Variants in DNALI1 observed in about 807,000 individuals in gnomAD.
DNALI1 encodes the protein dynein axonemal light intermediate chain 1, also known as axonemal dynein light intermediate polypeptide 1.
A neutral mutation model predicts 33.9 loss-of-function variants in DNALI1; 31 were observed. The ratio of observed to expected loss-of-function variants is 0.91; its 90% confidence interval spans 0.69 to 1.23. The LOEUF (loss-of-function observed/expected upper bound fraction) is 1.23, where lower values mean the gene tolerates loss of function less well. Ranked by LOEUF, DNALI1 falls within the 50% of genes most tolerant of loss-of-function variation. The pLI is 0.00. For synonymous variants in DNALI1, 117 were observed against 129.2 expected (o/e 0.91, Z 0.64); for missense variants, 305 against 323.8 (o/e 0.94, Z 0.44).
chr1:37,562,268 T>TGGA lies in DNALI1; in HGVS notation c.741+26_741+28dup, dbSNP rs142372828. The TGGA allele has an allele frequency of 7.2e-4, 1,156 of 1,603,658 alleles. 5 individuals are homozygous for TGGA. The African/African-American group carries it at 0.014, about 19-fold the overall frequency. On this transcript the variant is annotated intron_variant, in intron 5 of 5. Coordinates refer to ENST00000652629, the MANE Select transcript of DNALI1 (RefSeq NM_003462.5). This position sits in a 1 kb window ranked among gnomAD's most constrained non-coding sequence, Gnocchi z 5.8. ...AAGGTAATCAACGCGCAGGGTGGGG[T>TGGA]GGAGGTGCCCCCTGCCCTGCGACCC...
chr1:37,565,407 T>C lies in DNALI1; in HGVS notation c.*346T>C, dbSNP rs2148124544. ...CATCATCACTCTATACCAATACTTA[T>C]TTCTGGCCAAATGAATCTGCTTCTC... On this transcript the variant is annotated 3_prime_UTR_variant, in exon 6 of 6. Transcript: ENST00000652629. The C allele has an allele frequency of 4.5e-6, 1 of 222,464 alleles. No homozygotes were observed. The highest frequency in any genetic ancestry group is 8.8e-6 in the Non-Finnish European group (1 of 114,102). The allele number at this position is 222,464 out of a possible 1,614,324, so 13.8% of individuals were successfully genotyped here.
Position 37,559,252 on chromosome 1 carries a change from C to CA in DNALI1, c.228-72dup. 6.9e-7 allele frequency: 1 copy of CA among 1,452,230 alleles called. No homozygotes were observed. Among genetic ancestry groups the CA allele is most frequent in the East Asian group, 2.5e-5 (1 of 39,590 alleles). The allele number at this position is 1,452,230 out of a possible 1,614,324, so 90.0% of individuals were successfully genotyped here. A position where few individuals can be genotyped will look rare whatever the true frequency, so the allele number is the denominator to read the frequency against. ...CTCACCACTACTCAGGCAGAGGGCT[C>CA]AAAGGGCCCTCTGCTCATGTGCTAG... On this transcript the variant is annotated intron_variant, in intron 2 of 5. Coordinates refer to ENST00000652629, the MANE Select transcript of DNALI1 (RefSeq NM_003462.5). This position sits in a 1 kb window ranked among gnomAD's most constrained non-coding sequence, Gnocchi z 5.3.
chr1:37,562,229 CA>C lies in DNALI1; in HGVS notation c.728del (p.Asn243IlefsTer4). 1.2e-6 allele frequency: 2 copies of C among 1,613,146 alleles called. No homozygotes were observed. Among genetic ancestry groups the C allele is most frequent in the Non-Finnish European group, 1.7e-6 (2 of 1,179,610 alleles). On this transcript the variant is annotated frameshift_variant, in exon 5 of 6. Coordinates refer to ENST00000652629, the MANE Select transcript of DNALI1 (RefSeq NM_003462.5). LOFTEE classifies it high-confidence loss of function. The surrounding 1 kb of genome is among the most constrained non-coding windows in gnomAD (Gnocchi z 5.8). Reference sequence around the variant, plus strand: ...GAGGAGATTCAGTTCCTGAAGCGAACAAATCAGCAGCTGAAGGTAATCAACG... The same window carrying C: ...GAGGAGATTCAGTTCCTGAAGCGAACAATCAGCAGCTGAAGGTAATCAACG... Reference protein sequence around the residue: ...HNEEIQFLKRTNQQLKAQLEG... With the variant: ...HNEEIQFLKRXNQQLKAQLEG...
At position 37,557,695 on chromosome 1, in the gene DNALI1, C is replaced by T; in HGVS notation, c.174C>T (p.Val58=). Residue 58 remains valine (V), a synonymous_variant, in exon 2 of 6, where the codon GTC becomes GTT. Transcript: ENST00000652629. Reference sequence around the variant, plus strand: ...CCAAGCTCCCCTCAACTCCCTGTGTCCCAGATCCTACAAAGCAGGCAGAAG... The same window carrying T: ...CCAAGCTCCCCTCAACTCCCTGTGTTCCAGATCCTACAAAGCAGGCAGAAG... ...PKTKLPSTPC[V]PDPTKQAEEI... is the part of the protein sequence containing the mutation. The T allele has an allele frequency of 6.2e-7, 1 of 1,614,066 alleles. No individual in the cohort carries two copies. Among genetic ancestry groups the T allele is most frequent in the East Asian group, 2.2e-5 (1 of 44,876 alleles).
chr1:37,564,924 G>A lies in DNALI1; in HGVS notation c.742-102G>A, dbSNP rs1643482151. On this transcript the variant is annotated intron_variant, in intron 5 of 5. Transcript: ENST00000652629. ...CAAGGGGAAAAAGAACCCTTGGAGT[G>A]ACAGCATGTGGATTCTTCTTCCCAG... 8.1e-6 allele frequency: 10 copies of A among 1,227,216 alleles called. 1 individual carries two copies. The highest frequency in any genetic ancestry group is 1.1e-5 in the Non-Finnish European group (9 of 829,712). The allele number at this position is 1,227,216 out of a possible 1,614,324, so 76.0% of individuals were successfully genotyped here. A position where few individuals can be genotyped will look rare whatever the true frequency, so the allele number is the denominator to read the frequency against.
At chr1:37,564,041 C>T (rs1380329294) in intron 5 of DNALI1, among the ~76,000 whole-genome samples, 1 of 151,764 alleles carries the variant, frequency 6.6e-6, no homozygotes, top group African/African-American at 2.4e-5. Context: ...TGAGACCAGC[C>T]TGGCCAACGT....
rs1412775720 is a variant in DNALI1 at position 37,565,996 on chromosome 1, T to A, written c.*935T>A. 6.6e-6 allele frequency: 1 copy of A among 152,164 alleles called. No individual in the cohort carries two copies. The highest frequency in any genetic ancestry group is 2.4e-5 in the African/African-American group (1 of 41,438). 9.4% of individuals were successfully genotyped at this position (152,164 alleles called of 1,614,324 possible). On this transcript the variant is annotated 3_prime_UTR_variant, in exon 6 of 6. Transcript: ENST00000652629. Reference sequence around the variant, plus strand: ...GGCAAGCCAGGGTGGGCTAGGGTGGTAAGCTGGAGGACTTCATCCTTCAGT... The same window carrying A: ...GGCAAGCCAGGGTGGGCTAGGGTGGAAAGCTGGAGGACTTCATCCTTCAGT...
At chr1:37,558,176 G>T (rs908308794) in intron 2 of DNALI1, 2 of 161,096 alleles carry the variant, frequency 1.2e-5, no homozygotes, top group Non-Finnish European at 2.7e-5. Flanking sequence ...TTTTACTAGG[G>T]ACTCAAACCA....
chr1:37,561,585 C>T lies in DNALI1; in HGVS notation c.426C>T (p.Asn142=). The T allele has an allele frequency of 6.2e-7, 1 of 1,613,960 alleles. No individual in the cohort carries two copies. The highest frequency in any genetic ancestry group is 2.2e-5 in the East Asian group (1 of 44,882). ...AGTTGATCCGGGAGGTCACCATCAA[C>T]TGTGCGGAGAGGGGGCTGCTGCTGC... is the stretch of plus-strand genomic sequence containing the variant. ...FDELIREVTI[N]CAERGLLLLR... The change falls in exon 4 of 6, where the codon AAC becomes AAT. Residue 142 remains asparagine, a synonymous_variant. Coordinates refer to ENST00000652629, the MANE Select transcript of DNALI1 (RefSeq NM_003462.5). The surrounding 1 kb of genome is among the most constrained non-coding windows in gnomAD (Gnocchi z 4.6).
intron 3 of DNALI1, chr1:37,560,475 C>T (rs1397231263): frequency 6.6e-6 from 1 of 152,216 alleles, no homozygotes; most frequent in Non-Finnish European, 1.5e-5. Context: ...TCCTGCACAG[C>T]CGTAGATCCC....
chr1:37,558,462 C>A (rs557352464), intron 2 of DNALI1, among the ~76,000 whole-genome samples: 40 of 152,310 alleles, frequency 2.6e-4, no homozygotes, highest in African/African-American at 9.1e-4. Flanking sequence ...TTGTGGCTTC[C>A]CATCTCAGAC....
intron 5 of DNALI1, among the ~76,000 whole-genome samples, chr1:37,564,555 G>T (rs1240132526): frequency 6.6e-6 from 1 of 151,994 alleles, no homozygotes; most frequent in Non-Finnish European, 1.5e-5. Flanking sequence ...ACTAATTTTT[G>T]TATTTTTAGT....
At chr1:37,557,127 A>AG (rs1471065472) in intron 1 of DNALI1, 52 bp downstream of exon 1, 10 of 1,612,268 alleles carry the variant, frequency 6.2e-6, no homozygotes, top group Non-Finnish European at 7.6e-6. Flanking sequence ...CGATAGGGAA[A>AG]GACACATTCC....
In DNALI1 at chr1:37,559,706, T is replaced by C. The variant is rs1034236574; in HGVS notation, c.397+210T>C. 6.6e-6 allele frequency among the ~76,000 whole-genome samples: 1 copy of C among 152,086 alleles called. No homozygotes were observed. The highest frequency in any genetic ancestry group is 1.5e-5 in the Non-Finnish European group (1 of 68,006). On this transcript the variant is annotated intron_variant, in intron 3 of 5. Coordinates refer to ENST00000652629, the MANE Select transcript of DNALI1 (RefSeq NM_003462.5). This position sits in a 1 kb window ranked among gnomAD's most constrained non-coding sequence, Gnocchi z 5.3. The stretch of plus-strand genomic sequence containing the variant: ...GGGCCAGCCCCTCCACACCTGTGGG[T>C]ATTTCTCCTCAGGCAGGAGGAGAGA...
chr1:37,557,552 G>A, intron 1 of DNALI1, 51 bp from the exon 2 acceptor site: 1 of 1,580,684 alleles, frequency 6.3e-7, no homozygotes. Context: ...GGGGATGTGT[G>A]GAGCTGAGCT....
chr1:37,559,638 C>T lies in DNALI1; in HGVS notation c.397+142C>T. On this transcript the variant is annotated intron_variant, in intron 3 of 5. Coordinates refer to ENST00000652629, the MANE Select transcript of DNALI1 (RefSeq NM_003462.5). The surrounding 1 kb of genome is among the most constrained non-coding windows in gnomAD (Gnocchi z 5.3). ...CCCTCTTCTCCCCCTGCCTGACCCA[C>T]CCAGCAACAGCTAACTGCCCCCTTC... 4.0e-6 allele frequency: 4 copies of T among 996,658 alleles called. No individual in the cohort carries two copies. The highest frequency in any genetic ancestry group is 1.7e-5 in the African/African-American group (1 of 59,640). The allele number at this position is 996,658 out of a possible 1,614,324, so 61.7% of individuals were successfully genotyped here.
In DNALI1 at chr1:37,557,079, A is replaced by G. The variant is rs1643379968; in HGVS notation, c.81+4A>G. 2.5e-6 allele frequency: 4 copies of G among 1,614,098 alleles called. No homozygotes were observed. The highest frequency in any genetic ancestry group is 1.3e-5 in the African/African-American group (1 of 74,938). ...CACGGAGAAACGGAGCCCCAAGGTA[A>G]AGACGGGGGCTCGGGAGACAAAGGA... On this transcript the variant is annotated splice_donor_region_variant and intron_variant, in intron 1 of 5. Coordinates refer to ENST00000652629, the MANE Select transcript of DNALI1 (RefSeq NM_003462.5).
rs369164958 is a variant in DNALI1 at position 37,562,179 on chromosome 1, G to A, written c.675G>A (p.Arg225=). 1.1e-5 allele frequency: 17 copies of A among 1,613,928 alleles called. No individual in the cohort carries two copies. The highest frequency in any genetic ancestry group is 1.7e-5 in the Admixed American group (1 of 59,992). The change falls in exon 5 of 6, where the codon CGG becomes CGA. Residue 225 remains arginine, a synonymous_variant. Coordinates refer to ENST00000652629, the MANE Select transcript of DNALI1 (RefSeq NM_003462.5). The surrounding 1 kb of genome is among the most constrained non-coding windows in gnomAD (Gnocchi z 5.8). ...EATEKRESER[R]QVEEKKHNEE... ...CTGAGAAGCGGGAGAGCGAGAGGCG[G>A]CAGGTGGAGGAGAAGAAGCACAATG... is the stretch of plus-strand genomic sequence containing the variant.
chr1:37,566,524 T>C lies in DNALI1; in HGVS notation c.*1463T>C. The C allele has an allele frequency of 4.2e-6, 1 of 240,384 alleles. No homozygotes were observed. The highest frequency in any genetic ancestry group is 8.0e-6 in the Non-Finnish European group (1 of 125,210). 14.9% of individuals were successfully genotyped at this position (240,384 alleles called of 1,614,324 possible). On this transcript the variant is annotated 3_prime_UTR_variant, in exon 6 of 6. Transcript: ENST00000652629. ...TGAAATTTGCAGTTCTGTATGCTTC[T>C]ATTCCAAATCATTCATTACCAATAA...
Sources: gnomAD v4.1 joint callset for allele counts (sites outside exome capture counted in the v4.1 genomes callset) on GRCh38, gnomAD v4.1.1 for gene constraint, Gnocchi (gnomAD v3.1) non-coding constraint, MANE v1.5 for transcripts, NCBI Gene and HGNC (gene_info 2026-07-23, HGNC 2026-07-21) for gene names.